Variants in RASEF observed in about 807,000 individuals in gnomAD.
RASEF encodes the protein RAS and EF-hand domain containing.
Under a neutral mutation model 90.1 loss-of-function variants are expected in RASEF, and 68 were observed. The ratio of observed to expected loss-of-function variants is 0.75; its 90% CI spans 0.62 to 0.92. The LOEUF (loss-of-function observed/expected upper bound fraction) is 0.92, where lower values mean the gene tolerates loss of function less well. Ranked by LOEUF, RASEF falls within the 40% of genes least tolerant of loss-of-function variation. RASEF has a pLI of 0.00. For synonymous variants in RASEF, 331 were observed against 345.2 expected, an observed-to-expected ratio of 0.96 and a Z score of 0.46; for missense variants, 949 against 937.2, an observed-to-expected ratio of 1.01 and a Z score of -0.16.
the RASEF span, among the ~76,000 whole-genome samples, chr9:83,198,851 G>A: frequency 6.6e-6 from 1 of 151,942 alleles, no homozygotes; most frequent in Non-Finnish European, 1.5e-5. Context: ...AGGGATAAAT[G>A]TAGGGGAGGG....
At chr9:83,052,854 T>C (rs1830043295) in intron 1 of RASEF, among the ~76,000 whole-genome samples, 1 of 145,926 alleles carries the variant, frequency 6.9e-6, no homozygotes, top group Non-Finnish European at 1.5e-5. Flanking sequence ...TTGAGCGGCT[T>C]TGAGTGAGAT....
chr9:83,209,343 G>A, the RASEF span, among the ~76,000 whole-genome samples: 1 of 152,366 alleles, frequency 6.6e-6, no homozygotes, highest in Non-Finnish European at 1.5e-5. Context: ...TTTAGGCCAT[G>A]GGATTGAGGA....
At chr9:83,126,077 A>G in the RASEF span, among the ~76,000 whole-genome samples, 1 of 152,204 alleles carries the variant, frequency 6.6e-6, no homozygotes, top group African/African-American at 2.4e-5. Context: ...ATTACTTAGC[A>G]TTCATATCCC....
At chr9:83,153,377 G>A in the RASEF span, among the ~76,000 whole-genome samples, 1 of 152,062 alleles carries the variant, frequency 6.6e-6, no homozygotes, top group Non-Finnish European at 1.5e-5. Context: ...CTGCTTATAT[G>A]AAATTTCTTG....
the RASEF span, among the ~76,000 whole-genome samples, chr9:83,175,516 T>C: frequency 6.6e-6 from 1 of 152,184 alleles, no homozygotes; most frequent in Admixed American, 6.5e-5. Flanking sequence ...ACTAGTATTT[T>C]GTTGCAGATA....
the RASEF span, among the ~76,000 whole-genome samples, chr9:83,093,791 G>A: frequency 6.6e-6 from 1 of 152,366 alleles, no homozygotes; most frequent in African/African-American, 2.4e-5. Context: ...CTCAAGTGCC[G>A]CCAAAGTGGG....
At chr9:83,166,503 A>G in the RASEF span, among the ~76,000 whole-genome samples, 897 of 152,250 alleles carry the variant, frequency 5.9e-3, 11 homozygotes, top group African/African-American at 0.021. Flanking sequence ...CCAACCAGAA[A>G]GACAAGTCCA....
At chr9:83,021,961 G>GTATGGGAAGTCAAGCCACCT (rs1829453373) in intron 3 of RASEF, among the ~76,000 whole-genome samples, 1 of 151,972 alleles carries the variant, frequency 6.6e-6, no homozygotes, top group African/African-American at 2.4e-5. Flanking sequence ...GCAGACACAG[G>GTATGGGAAGTCAAGCCACCT]TATGGAAAGT....
chr9:83,208,926 G>C, the RASEF span, among the ~76,000 whole-genome samples: 1 of 152,152 alleles, frequency 6.6e-6, no homozygotes, highest in Non-Finnish European at 1.5e-5. Context: ...GAAGTTTGGG[G>C]ACTTTTCAAC....
the RASEF span, among the ~76,000 whole-genome samples, chr9:83,087,405 T>TCTCTCTCTCTCTCTCTCTC: frequency 8.7e-6 from 1 of 115,522 alleles, no homozygotes; most frequent in Non-Finnish European, 1.8e-5. Flanking sequence ...TTCTCATTCA[T>TCTCTCTCTCTCTCTCTCTC]TCTCTCTCTC....
chr9:82,997,189 G>T, intron 13 of RASEF, 63 bp from the exon 14 acceptor site: 2 of 1,051,864 alleles, frequency 1.9e-6, no homozygotes, highest in Non-Finnish European at 3.0e-6. Flanking sequence ...TCTCTTTTAT[G>T]CTCATTTTTT....
At chr9:83,103,694 C>G in the RASEF span, among the ~76,000 whole-genome samples, 5 of 152,016 alleles carry the variant, frequency 3.3e-5, no homozygotes, top group African/African-American at 1.2e-4. Flanking sequence ...ATATAAAAAC[C>G]CAAACACTAT....
chr9:82,987,380 ATTTC>A (rs1321202738), intron 16 of RASEF, among the ~76,000 whole-genome samples: 2 of 152,220 alleles, frequency 1.3e-5, no homozygotes, highest in Non-Finnish European at 2.9e-5. Context: ...AGCTTATCTT[ATTTC>A]TTTACTTGTC....
intron 1 of RASEF, among the ~76,000 whole-genome samples, chr9:83,043,578 G>C (rs983936089): frequency 6.6e-6 from 1 of 152,192 alleles, no homozygotes; most frequent in Non-Finnish European, 1.5e-5. Flanking sequence ...CAGAATACTT[G>C]ATGGAGCATA....
chr9:83,057,846 CATATATAT>C (rs66535022), intron 1 of RASEF, among the ~76,000 whole-genome samples: 3,541 of 143,256 alleles, frequency 0.025, 119 homozygotes, highest in African/African-American at 0.081. Context: ...TTCATATATA[CATATATAT>C]ATATATATAT....
the RASEF span, among the ~76,000 whole-genome samples, chr9:83,077,606 A>T: frequency 1.3e-5 from 2 of 152,216 alleles, no homozygotes; most frequent in African/African-American, 4.8e-5. Context: ...CAAGCAAAAA[A>T]GAGGGAAAGA....
the RASEF span, among the ~76,000 whole-genome samples, chr9:83,091,130 C>G: frequency 6.6e-6 from 1 of 152,208 alleles, no homozygotes; most frequent in Admixed American, 6.5e-5. Flanking sequence ...TTTCTACTTG[C>G]AAAGAGTCTC....
intron 3 of RASEF, among the ~76,000 whole-genome samples, chr9:83,021,190 T>C (rs1465719015): frequency 2.0e-5 from 3 of 152,132 alleles, no homozygotes; most frequent in African/African-American, 4.8e-5. Flanking sequence ...TTTATATAGA[T>C]CATCATGTCT....
At chr9:82,999,387 C>T (rs1252540513) in intron 12 of RASEF, among the ~76,000 whole-genome samples, 2 of 152,096 alleles carry the variant, frequency 1.3e-5, no homozygotes, top group Non-Finnish European at 2.9e-5. Context: ...CTGCGTAAAA[C>T]CGCACCTCTC....
Sources: gnomAD v4.1 joint callset for allele counts (sites outside exome capture counted in the v4.1 genomes callset) on GRCh38, gnomAD v4.1.1 for gene constraint, MANE v1.5 for transcripts, NCBI Gene and HGNC (gene_info 2026-07-23, HGNC 2026-07-21) for gene names.